LRCH1: variants seen among roughly 807,000 people sequenced by gnomAD.
LRCH1 encodes leucine rich repeats and calponin homology domain containing 1, also known as leucine-rich repeat and calponin homology domain-containing protein 1.
LRCH1 carries 23 observed loss-of-function variants against 94.9 expected under a neutral mutation model. The observed-to-expected ratio is 0.24, with a 90% CI of 0.17 to 0.34. The LOEUF (loss-of-function observed/expected upper bound fraction) is 0.34. Among genes scored for constraint, LRCH1 ranks in the 10% least tolerant of loss-of-function variants. The pLI is 1.00. For missense variants in LRCH1, 790 were observed against 945.9 expected (o/e 0.84, Z 2.16); for synonymous variants, 364 against 354.9 (o/e 1.03, Z -0.29).
chr13:46,614,591 T>C (rs2050784568), intron 1 of LRCH1, among the ~76,000 whole-genome samples: 1 of 152,236 alleles, frequency 6.6e-6, no homozygotes, highest in Admixed American at 6.5e-5. Flanking sequence ...TGGTAAATAC[T>C]GTTTCCCAAT....
At chr13:46,625,078 A>G (rs1226153249) in intron 1 of LRCH1, among the ~76,000 whole-genome samples, 3 of 152,146 alleles carry the variant, frequency 2.0e-5, no homozygotes, top group Non-Finnish European at 4.4e-5. Flanking sequence ...ACCTATGTAC[A>G]TTTGCAGCTG....
chr13:46,629,082 C>T (rs557652190), intron 1 of LRCH1, among the ~76,000 whole-genome samples: 1 of 152,294 alleles, frequency 6.6e-6, no homozygotes, highest in East Asian at 1.9e-4. Context: ...CTCAGAGGGC[C>T]TTTCCCAAGA....
intron 1 of LRCH1, among the ~76,000 whole-genome samples, chr13:46,644,598 G>C (rs1392894959): frequency 6.6e-6 from 1 of 152,220 alleles, no homozygotes; most frequent in Admixed American, 6.5e-5. Context: ...GCCAGTGAAA[G>C]TGTCTAAGCT....
intron 7 of LRCH1, among the ~76,000 whole-genome samples, chr13:46,691,799 C>T (rs1235276178): frequency 2.0e-5 from 3 of 152,182 alleles, no homozygotes; most frequent in South Asian, 2.1e-4. Flanking sequence ...AAGTGATTCT[C>T]CTGCCTCAGC....
At chr13:46,598,770 G>A (rs926792159) in intron 1 of LRCH1, among the ~76,000 whole-genome samples, 1 of 152,180 alleles carries the variant, frequency 6.6e-6, no homozygotes, top group Non-Finnish European at 1.5e-5. Flanking sequence ...TCCTTGAGAA[G>A]TTGTTCTTCG....
At chr13:46,612,917 C>T (rs1315025585) in intron 1 of LRCH1, among the ~76,000 whole-genome samples, 1 of 152,070 alleles carries the variant, frequency 6.6e-6, no homozygotes, top group Non-Finnish European at 1.5e-5. Flanking sequence ...ATTGAAGTCA[C>T]AGAATGAAAT....
chr13:46,737,358 C>T (rs925833433), intron 19 of LRCH1, among the ~76,000 whole-genome samples: 7 of 152,148 alleles, frequency 4.6e-5, no homozygotes, highest in Admixed American at 2.0e-4. Context: ...CCTTTGCCTC[C>T]GAAAATGTTG....
At chr13:46,602,964 ATACATACATGCATG>A (rs1483785360) in intron 1 of LRCH1, among the ~76,000 whole-genome samples, 142 of 79,802 alleles carry the variant, frequency 1.8e-3, no homozygotes, top group African/African-American at 7.2e-3. Context: ...ACATACATGC[ATACATACATGCATG>A]CATACATACA....
At chr13:46,717,229 C>T (rs1299360588) in intron 16 of LRCH1, among the ~76,000 whole-genome samples, 1 of 152,106 alleles carries the variant, frequency 6.6e-6, no homozygotes, top group African/African-American at 2.4e-5. Context: ...ATCATCTCTG[C>T]CGCATCTACA....
At chr13:46,571,723 C>G (rs145231678) in intron 1 of LRCH1, among the ~76,000 whole-genome samples, 184 of 152,326 alleles carry the variant, frequency 1.2e-3, no homozygotes, top group African/African-American at 4.2e-3. Flanking sequence ...AATTCTGGCT[C>G]TGTCACTTAG....
chr13:46,563,362 G>A (rs1480839945), intron 1 of LRCH1, among the ~76,000 whole-genome samples: 1 of 151,060 alleles, frequency 6.6e-6, no homozygotes, highest in Non-Finnish European at 1.5e-5. Context: ...TTTTTTTTAA[G>A]TATAGCTTAG....
chr13:46,734,631 C>G (rs1873281593), intron 19 of LRCH1, among the ~76,000 whole-genome samples: 1 of 152,154 alleles, frequency 6.6e-6, no homozygotes, highest in Non-Finnish European at 1.5e-5. Context: ...AACCTCGGAC[C>G]CAGCCTCAGC....
intron 1 of LRCH1, among the ~76,000 whole-genome samples, chr13:46,599,124 A>C (rs1318494031): frequency 2.0e-5 from 3 of 152,254 alleles, no homozygotes; most frequent in African/African-American, 7.2e-5. Flanking sequence ...TTTACTTAGC[A>C]TTATATAATG....
chr13:46,626,313 C>T (rs1012352342), intron 1 of LRCH1, among the ~76,000 whole-genome samples: 7 of 152,116 alleles, frequency 4.6e-5, no homozygotes, highest in African/African-American at 1.4e-4. Flanking sequence ...GCCATCACAT[C>T]CCCTGTGACT....
intron 1 of LRCH1, among the ~76,000 whole-genome samples, chr13:46,578,193 T>A (rs534749951): frequency 6.6e-6 from 1 of 152,294 alleles, no homozygotes; most frequent in East Asian, 1.9e-4. Flanking sequence ...AAAAATCAAA[T>A]GGAACTGTGG....
intron 18 of LRCH1, among the ~76,000 whole-genome samples, chr13:46,730,843 A>G (rs1187256285): frequency 6.6e-6 from 1 of 152,240 alleles, no homozygotes; most frequent in African/African-American, 2.4e-5. Context: ...ATTTCAATGT[A>G]CAATGATCAT....
At chr13:46,654,911 C>T (rs1285742747) in intron 2 of LRCH1, among the ~76,000 whole-genome samples, 1 of 152,150 alleles carries the variant, frequency 6.6e-6, no homozygotes, top group East Asian at 1.9e-4. Flanking sequence ...CAGATTTTGT[C>T]TGTCTGTACT....
chr13:46,691,733 A>G (rs922284738), intron 7 of LRCH1, among the ~76,000 whole-genome samples: 1 of 152,168 alleles, frequency 6.6e-6, no homozygotes, highest in Non-Finnish European at 1.5e-5. Flanking sequence ...TTCTCTTGCC[A>G]GGCTGGAGTG....
intron 1 of LRCH1, among the ~76,000 whole-genome samples, chr13:46,587,033 G>A (rs991634437): frequency 1.3e-5 from 2 of 152,176 alleles, no homozygotes; most frequent in Admixed American, 6.5e-5. Context: ...TGGAGATGCC[G>A]TGTGGTTTGC....
Sources: allele counts gnomAD v4.1 joint callset (sites outside exome capture counted in the v4.1 genomes callset), GRCh38; gene constraint gnomAD v4.1.1; transcripts MANE v1.5; gene names NCBI Gene and HGNC (gene_info 2026-07-23, HGNC 2026-07-21).